PTPN21: variants seen among roughly 807,000 people sequenced by gnomAD.
The protein encoded by PTPN21 is protein tyrosine phosphatase non-receptor type 21.
Under a neutral mutation model 131.8 loss-of-function variants are expected in PTPN21, and 77 were observed. The ratio of observed to expected loss-of-function variants is 0.58; its 90% CI spans 0.49 to 0.71. The LOEUF (loss-of-function observed/expected upper bound fraction) is 0.71, where lower values mean the gene tolerates loss of function less well. Among genes scored for constraint, PTPN21 ranks in the 30% least tolerant of loss-of-function variants. The probability of loss-of-function intolerance (pLI) is 0.00; values close to 1 mark genes in which losing one functional copy is unlikely to be tolerated. For missense variants in PTPN21, 1,552 were observed against 1,527.1 expected, an observed-to-expected ratio of 1.02 and a Z score of -0.27; for synonymous variants, 715 against 621.3, an observed-to-expected ratio of 1.15 and a Z score of -2.24.
chr14:88,531,513 C>T (rs531068431), intron 2 of PTPN21, among the ~76,000 whole-genome samples: 12 of 152,060 alleles, frequency 7.9e-5, no homozygotes, highest in East Asian at 5.8e-4. Context: ...GCCGAGATTG[C>T]GCCACTGCAC....
chr14:88,469,055 G>T lies in PTPN21; in HGVS notation c.3257C>A (p.Ser1086Tyr), dbSNP rs2077412068. The change falls in exon 18 of 19, where the codon TCT (serine) becomes TAT (tyrosine). Residue 1086 changes from serine to tyrosine, a missense_variant. Physicochemically the swap from Ser to Tyr is moderately radical, Grantham distance 144. Around this residue, in one of 4 missense-constraint regions of PTPN21, gnomAD observed 316 missense variants for 378.5 expected, o/e 0.83. Transcript: ENST00000556564. This position sits in a 1 kb window ranked among gnomAD's most constrained non-coding sequence, Gnocchi z 4.3. Reference protein sequence around the residue: ...GFLSYLEEIQSVRRHTNSTSD... With the variant: ...GFLSYLEEIQYVRRHTNSTSD... ...TGTGCTATTTGTATGGCGTCGAACA[G>T]ACTGGATCTCTTCAAGATATGCTGT... The T allele has an allele frequency of 6.2e-7, 1 of 1,613,194 alleles. No individual in the cohort carries two copies. The highest frequency in any genetic ancestry group is 1.3e-5 in the African/African-American group (1 of 74,918).
At chr14:88,532,359 T>A (rs1485505012) in intron 2 of PTPN21, among the ~76,000 whole-genome samples, 1 of 152,166 alleles carries the variant, frequency 6.6e-6, no homozygotes, top group Non-Finnish European at 1.5e-5. Flanking sequence ...ACAAATTCAG[T>A]TCATTAAGTC....
chr14:88,487,728 G>A (rs978552040), intron 10 of PTPN21, among the ~76,000 whole-genome samples: 11 of 151,956 alleles, frequency 7.2e-5, no homozygotes, highest in African/African-American at 2.2e-4. Context: ...TCTGCATGGC[G>A]TGTCTGGGTT....
Position 88,469,554 on chromosome 14 carries a change from G to A in PTPN21, c.3180C>T (p.Leu1060=), listed in dbSNP as rs948028691. The change falls in exon 17 of 19, where the codon CTC becomes CTT. Residue 1060 remains leucine, a synonymous_variant. Transcript: ENST00000556564. This position sits in a 1 kb window ranked among gnomAD's most constrained non-coding sequence, Gnocchi z 4.3. ...CATGTTCAGGCCAGTCTGTGTATTGGAGGTGCCAGACGGTCCTCTCTTGCC... is the reference window on the plus strand; with the variant it reads ...CATGTTCAGGCCAGTCTGTGTATTGAAGGTGCCAGACGGTCCTCTCTTGCC... ...LTGQERTVWH[L]QYTDWPEHGC... The A allele has an allele frequency of 1.2e-6, 2 of 1,614,022 alleles. No individual in the cohort carries two copies. The highest frequency in any genetic ancestry group is 2.7e-5 in the African/African-American group (2 of 74,892).
chr14:88,527,720 T>A (rs1474767004), intron 2 of PTPN21, among the ~76,000 whole-genome samples: 1 of 152,218 alleles, frequency 6.6e-6, no homozygotes, highest in African/African-American at 2.4e-5. Flanking sequence ...GGTCACAGAC[T>A]CTTTGCCTAG....
intron 2 of PTPN21, among the ~76,000 whole-genome samples, chr14:88,529,076 C>A (rs1459809853): frequency 1.3e-5 from 2 of 152,146 alleles, no homozygotes; most frequent in Non-Finnish European, 2.9e-5. Context: ...GGAATGCTTT[C>A]AACTCTTCCC....
intron 9 of PTPN21, 86 bp downstream of exon 9, chr14:88,497,117 G>T (rs2077930274): frequency 2.9e-6 from 3 of 1,036,640 alleles, no homozygotes. Flanking sequence ...ATGCTGCCCT[G>T]CCTCCAAACA....
rs779071770 is a variant in PTPN21, at chr14:88,479,626, G to C, written c.1805C>G (p.Ser602Trp). 3 of 1,575,208 alleles carry C rather than the reference G, an allele frequency of 1.9e-6. No individual in the cohort carries two copies. The highest frequency in any genetic ancestry group is 1.1e-5 in the South Asian group (1 of 87,652). The change falls in exon 13 of 19, where the codon TCG (serine) becomes TGG (tryptophan). Residue 602 changes from serine to tryptophan, a missense_variant. Ser to Trp is a radical substitution (Grantham distance 177). Transcript: ENST00000556564. ...PDLITRRVHHSVQTFQEDSLP... is the reference protein window; with the variant it reads ...PDLITRRVHHWVQTFQEDSLP... ...GCTGTCCTCCTGGAACGTTTGCACC[G>C]AGTGGTGCACGCGCCGCGTGATGAG...
At position 88,500,796 on chromosome 14, in the gene PTPN21, G is replaced by A. The variant is rs779446300; in HGVS notation, c.751C>T (p.Pro251Ser). ...IFVKHKNGRH[P>S]VVFRWHDIAN... ...TAAGAAAAATACCTAAATACCACAGGATGCCTTCCATTCTTGTGTTTCACA... is the reference window on the plus strand; with the variant it reads ...TAAGAAAAATACCTAAATACCACAGAATGCCTTCCATTCTTGTGTTTCACA... Residue 251 changes from proline (P) to serine (S), a missense_variant, in exon 8 of 19, where the codon CCT becomes TCT. Around this residue, in one of 4 missense-constraint regions of PTPN21, gnomAD observed 1,016 missense variants for 883.5 expected, o/e 1.15. Transcript: ENST00000556564. 1 of 1,611,054 alleles carries A rather than the reference G, an allele frequency of 6.2e-7. No homozygotes were observed. Among genetic ancestry groups the A allele is most frequent in the East Asian group, 2.2e-5 (1 of 44,868 alleles).
At chr14:88,511,066 C>T (rs920508697) in intron 3 of PTPN21, among the ~76,000 whole-genome samples, 4 of 151,930 alleles carry the variant, frequency 2.6e-5, no homozygotes, top group Admixed American at 6.6e-5. Flanking sequence ...GTGTACACCA[C>T]CACAGCTGGC....
chr14:88,526,771 T>A (rs2078484967), intron 2 of PTPN21, among the ~76,000 whole-genome samples: 1 of 152,134 alleles, frequency 6.6e-6, no homozygotes, highest in African/African-American at 2.4e-5. Context: ...TAGTGTACAC[T>A]GTACCCAATC....
At chr14:88,486,040 C>T (rs896443211) in intron 10 of PTPN21, among the ~76,000 whole-genome samples, 198 bp from the exon 11 acceptor site, 2 of 152,024 alleles carry the variant, frequency 1.3e-5, no homozygotes, top group African/African-American at 2.4e-5. Context: ...TGCCCCAACC[C>T]GTCAACCTGC....
At chr14:88,496,960 T>G (rs1340378910) in intron 9 of PTPN21, among the ~76,000 whole-genome samples, 1 of 152,198 alleles carries the variant, frequency 6.6e-6, no homozygotes, top group African/African-American at 2.4e-5. Flanking sequence ...AAGTTTAATT[T>G]AAAGGTTATC....
At chr14:88,495,917 CTCTT>C (rs1317567537) in intron 10 of PTPN21, among the ~76,000 whole-genome samples, 1 of 152,190 alleles carries the variant, frequency 6.6e-6, no homozygotes, top group Non-Finnish European at 1.5e-5. Flanking sequence ...ATACACAACT[CTCTT>C]GAGGAAACCT....
chr14:88,541,351 A>G (rs2078702909), intron 2 of PTPN21, among the ~76,000 whole-genome samples: 1 of 152,260 alleles, frequency 6.6e-6, no homozygotes, highest in South Asian at 2.1e-4. Context: ...AGAACTGAAT[A>G]GGAAAATATT....
intron 8 of PTPN21, among the ~76,000 whole-genome samples, chr14:88,497,741 T>C (rs1209522766): frequency 6.6e-6 from 1 of 151,594 alleles, no homozygotes; most frequent in East Asian, 2.0e-4. Context: ...ATCGCACCAC[T>C]GCACTCCAAC....
At position 88,501,014 on chromosome 14, in the gene PTPN21, A is replaced by G. The variant is rs193289761; in HGVS notation, c.676-143T>C. The stretch of plus-strand genomic sequence containing the variant: ...ATTCAGGAAGACAAAAGTCTGAATG[A>G]GATCTATGATCTTATAGGTAAGTAT... On this transcript the variant is annotated intron_variant, in intron 7 of 18. Coordinates refer to ENST00000556564, the MANE Select transcript of PTPN21 (RefSeq NM_007039.4). 1,101 of 671,410 alleles carry G rather than the reference A, an allele frequency of 1.6e-3. 8 individuals carry two copies. The African/African-American group carries it at 0.019, about 11-fold the overall frequency. 41.6% of individuals were successfully genotyped at this position (671,410 alleles called of 1,614,324 possible).
chr14:88,505,308 G>C lies in PTPN21; in HGVS notation c.512C>G (p.Pro171Arg). 1 of 1,602,916 alleles carries C rather than the reference G, an allele frequency of 6.2e-7. No homozygotes were observed. The highest frequency in any genetic ancestry group is 1.1e-5 in the South Asian group (1 of 90,140). The change falls in exon 5 of 19, where the codon CCT becomes CGT. Residue 171 changes from proline (P) to arginine (R), a missense_variant. Pro to Arg is a moderately radical substitution (Grantham distance 103). This residue lies in a region of PTPN21 where 206 missense variants were observed against 221.6 expected (regional missense o/e 0.93). Coordinates refer to ENST00000556564, the MANE Select transcript of PTPN21 (RefSeq NM_007039.4). ...QDFLQKFALF[P>R]VGWLQDEKVL... Reference sequence around the variant, plus strand: ...CAGTGTCAAAAGAAGTCTTACCACAGGAAACAAGGCAAATTTCTGAAGAAA... The same window carrying C: ...CAGTGTCAAAAGAAGTCTTACCACACGAAACAAGGCAAATTTCTGAAGAAA...
intron 4 of PTPN21, among the ~76,000 whole-genome samples, chr14:88,506,735 C>T (rs1182569919): frequency 6.6e-6 from 1 of 152,088 alleles, no homozygotes; most frequent in Non-Finnish European, 1.5e-5. Flanking sequence ...GAAATCACCA[C>T]TAAAGAACTT....
Sources: gnomAD v4.1 joint callset for allele counts (sites outside exome capture counted in the v4.1 genomes callset) on GRCh38, gnomAD v4.1.1 for gene constraint, gnomAD v4.1.1 regional missense constraint, Gnocchi (gnomAD v3.1) non-coding constraint, MANE v1.5 for transcripts, NCBI Gene and HGNC (gene_info 2026-07-23, HGNC 2026-07-21) for gene names.